The following STPG2 variants were observed in gnomAD, a reference collection of about 807,000 sequenced individuals.
STPG2 encodes sperm-tail PG-rich repeat-containing protein 2.
Under a neutral mutation model 54.2 loss-of-function variants are expected in STPG2, and 56 were observed. The ratio of observed to expected loss-of-function variants is 1.03; its 90% CI spans 0.83 to 1.29. The LOEUF (loss-of-function observed/expected upper bound fraction) is 1.29, where lower values mean the gene tolerates loss of function less well. Ranked by LOEUF, STPG2 falls within the 50% of genes most tolerant of loss-of-function variation. STPG2 has a pLI of 0.00. For missense variants in STPG2, 596 were observed against 544.9 expected (o/e 1.09, Z -0.93); for synonymous variants, 200 against 181.8 (o/e 1.10, Z -0.81).
chr4:98,042,779 G>T (rs1377765112), intron 5 of STPG2, among the ~76,000 whole-genome samples: 1 of 151,908 alleles, frequency 6.6e-6, no homozygotes, highest in Non-Finnish European at 1.5e-5. Flanking sequence ...TATATATTCT[G>T]CAGTTATTGA....
intron 10 of STPG2, among the ~76,000 whole-genome samples, chr4:97,701,641 T>C (rs1374142309): frequency 6.6e-6 from 1 of 152,168 alleles, no homozygotes; most frequent in African/African-American, 2.4e-5. Context: ...GATTCTGTTT[T>C]TATAATTCAA....
At chr4:97,565,744 A>T (rs1732412601) in intron 10 of STPG2, among the ~76,000 whole-genome samples, 1 of 152,174 alleles carries the variant, frequency 6.6e-6, no homozygotes, top group Non-Finnish European at 1.5e-5. Flanking sequence ...GCTGCAGAAC[A>T]GCGGATTTTC....
At chr4:98,004,988 T>C (rs1414445477) in intron 5 of STPG2, among the ~76,000 whole-genome samples, 1 of 132,144 alleles carries the variant, frequency 7.6e-6, no homozygotes, top group Non-Finnish European at 1.7e-5. Flanking sequence ...AAAAAAGCTT[T>C]TTAGTTTATT....
At chr4:97,471,799 T>C (rs72677845) in intron 4 of STPG2, among the ~76,000 whole-genome samples, 2,047 of 152,328 alleles carry the variant, frequency 0.013, 22 homozygotes, top group Non-Finnish European at 0.019. Context: ...AAATACAATA[T>C]GAATGGAATT....
chr4:97,781,063 G>A (rs1339957164), intron 9 of STPG2, among the ~76,000 whole-genome samples: 2 of 151,850 alleles, frequency 1.3e-5, no homozygotes, highest in African/African-American at 4.8e-5. Context: ...CTAGCAGAAG[G>A]CAAGAAATAA....
intron 4 of STPG2, among the ~76,000 whole-genome samples, chr4:97,441,871 CAG>C (rs549043018): frequency 1.1e-3 from 171 of 151,848 alleles, no homozygotes; most frequent in Middle Eastern, 6.8e-3. Flanking sequence ...AATGTTACGA[CAG>C]AGCAAAAAAG....
chr4:97,642,967 CT>C (rs570015851), intron 10 of STPG2, among the ~76,000 whole-genome samples: 12 of 151,430 alleles, frequency 7.9e-5, no homozygotes, highest in Non-Finnish European at 1.8e-4. Flanking sequence ...TTAACCACGA[CT>C]TTGAAAAATG....
intron 4 of STPG2, among the ~76,000 whole-genome samples, chr4:97,528,629 G>A (rs566920121): frequency 3.3e-4 from 50 of 152,176 alleles, no homozygotes; most frequent in African/African-American, 8.9e-4. Context: ...TCCTATCCAC[G>A]AGCATGGAAT....
chr4:97,846,120 G>C (rs552910624), intron 8 of STPG2, among the ~76,000 whole-genome samples: 2 of 151,916 alleles, frequency 1.3e-5, no homozygotes, highest in Middle Eastern at 3.4e-3. Context: ...ATAGAGGTCT[G>C]GACTGGAAAG....
chr4:97,490,765 T>C (rs35632782), intron 4 of STPG2, among the ~76,000 whole-genome samples: 22,823 of 151,532 alleles, frequency 0.15, 4,954 homozygotes, highest in African/African-American at 0.48. Context: ...CCTTTAACAC[T>C]TCTAAACATC....
At chr4:98,032,207 A>G (rs2149300690) in intron 5 of STPG2, among the ~76,000 whole-genome samples, 2 of 152,306 alleles carry the variant, frequency 1.3e-5, no homozygotes, top group East Asian at 3.9e-4. Flanking sequence ...CAGCAATCCC[A>G]TTATTGGTAT....
intron 4 of STPG2, among the ~76,000 whole-genome samples, chr4:97,471,248 G>T (rs999046506): frequency 8.5e-5 from 13 of 152,080 alleles, no homozygotes; most frequent in African/African-American, 3.1e-4. Flanking sequence ...ACAGACAAGG[G>T]GTGGGGAGCT....
At chr4:97,971,783 A>T (rs1734334874) in intron 7 of STPG2, among the ~76,000 whole-genome samples, 1 of 152,204 alleles carries the variant, frequency 6.6e-6, no homozygotes, top group Admixed American at 6.5e-5. Context: ...TGTACCCCAG[A>T]ACTTAAAGTA....
intron 1 of STPG2, among the ~76,000 whole-genome samples, chr4:98,142,585 A>G (rs1351608576): frequency 1.3e-5 from 2 of 152,200 alleles, no homozygotes; most frequent in African/African-American, 2.4e-5. Context: ...AAACGGAACT[A>G]TCTTTAAATA....
intron 8 of STPG2, among the ~76,000 whole-genome samples, chr4:97,938,294 C>T (rs1320831585): frequency 1.3e-5 from 2 of 152,218 alleles, no homozygotes; most frequent in African/African-American, 4.8e-5. Context: ...GCCCAGCACC[C>T]CCAAGAGTCC....
intron 9 of STPG2, among the ~76,000 whole-genome samples, chr4:97,738,046 A>G (rs1725076785): frequency 6.6e-6 from 1 of 152,188 alleles, no homozygotes; most frequent in Non-Finnish European, 1.5e-5. Context: ...AAGAGAGCGA[A>G]GGCCAATATT....
chr4:97,961,877 T>C (rs1733902753), intron 7 of STPG2, among the ~76,000 whole-genome samples: 1 of 152,106 alleles, frequency 6.6e-6, no homozygotes, highest in Non-Finnish European at 1.5e-5. Context: ...ATAGGAAAAG[T>C]AGTCATTATA....
chr4:97,923,123 A>G (rs997316575), intron 8 of STPG2, among the ~76,000 whole-genome samples: 19 of 152,270 alleles, frequency 1.2e-4, no homozygotes, highest in Admixed American at 1.2e-3. Flanking sequence ...CACTCTTGGC[A>G]CCTCCTCGGC....
In STPG2 at chr4:97,709,746, C is replaced by T. The variant is rs972596920; in HGVS notation, c.1320+2953G>A. ...ATTGTATTTGAAGCCTTATCTAAAC[C>T]TTAAAAAAACAGTTTTTTGGTCAAG... On this transcript the variant is annotated intron_variant, in intron 10 of 10. Transcript: ENST00000295268. Among the ~76,000 whole-genome samples the T allele has an allele frequency of 2.6e-5, 4 of 151,612 alleles. No individual in the cohort carries two copies. The South Asian group carries it at 6.2e-4, about 24-fold the overall frequency.
Sources: allele counts gnomAD v4.1 joint callset (sites outside exome capture counted in the v4.1 genomes callset), GRCh38; gene constraint gnomAD v4.1.1; transcripts MANE v1.5; gene names NCBI Gene and HGNC (gene_info 2026-07-23, HGNC 2026-07-21).